Variants in UQCRC1 observed in about 807,000 individuals in gnomAD.
UQCRC1 encodes ubiquinol-cytochrome c reductase core protein 1.
A neutral mutation model predicts 58.0 loss-of-function variants in UQCRC1; 34 were observed. The ratio of observed to expected loss-of-function variants is 0.59; its 90% CI spans 0.45 to 0.78. The LOEUF (loss-of-function observed/expected upper bound fraction) is 0.78. Ranked by LOEUF, UQCRC1 falls within the 30% of genes least tolerant of loss-of-function variation. The pLI, the probability that UQCRC1 is intolerant of heterozygous loss-of-function variation, is 0.00. For missense variants in UQCRC1, 610 were observed against 646.0 expected (o/e 0.94, Z 0.60); for synonymous variants, 276 against 248.8 (o/e 1.11, Z -1.03).
intron 3 of UQCRC1, among the ~76,000 whole-genome samples, chr3:48,605,548 T>C (rs1178592372): frequency 1.3e-5 from 2 of 152,212 alleles, no homozygotes; most frequent in African/African-American, 4.8e-5. Flanking sequence ...GGGGCTCCTA[T>C]GGTTCCTTGG....
chr3:48,604,499 C>G, intron 4 of UQCRC1, 68 bp from the exon 5 acceptor site: 4 of 1,593,110 alleles, frequency 2.5e-6, no homozygotes, highest in Non-Finnish European at 3.4e-6. Context: ...CACAAAATCC[C>G]CAGGCCTGGC....
chr3:48,604,417 C>A lies in UQCRC1; in HGVS notation c.442G>T (p.Gly148Cys). 1 of 1,614,008 alleles carries A rather than the reference C, an allele frequency of 6.2e-7. No homozygotes were observed. Among genetic ancestry groups the A allele is most frequent in the Non-Finnish European group, 8.5e-7 (1 of 1,179,956 alleles). ...AGACTACAGTTCTGCACAATGTCAC[C>A]CAGGAGCTCCACAGCTAGATGCAAG... Reference protein sequence around the residue: ...KDLPKAVELLGDIVQNCSLED... With the variant: ...KDLPKAVELLCDIVQNCSLED... The change falls in exon 5 of 13, where the codon GGT (glycine) becomes TGT (cysteine). Residue 148 changes from glycine (G) to cysteine (C), a missense_variant. Physicochemically the swap from Gly to Cys is radical, Grantham distance 159 (BLOSUM62 -3). Coordinates refer to ENST00000203407, the MANE Select transcript of UQCRC1 (RefSeq NM_003365.3).
At position 48,604,216 on chromosome 3, in the gene UQCRC1, G is replaced by A; in HGVS notation, c.626+17C>T. On this transcript the variant is annotated intron_variant, in intron 5 of 12. Transcript: ENST00000203407. ...GAATGGAGCAAGCATCCCCCCACAA[G>A]GCCAGCCAACTCTCACCTGACATTC... 5 of 1,611,092 alleles carry A rather than the reference G, an allele frequency of 3.1e-6. No individual in the cohort carries two copies. Among genetic ancestry groups the A allele is most frequent in the Non-Finnish European group, 4.2e-6 (5 of 1,179,042 alleles).
At position 48,601,190 on chromosome 3, in the gene UQCRC1, T is replaced by C. The variant is rs960262767; in HGVS notation, c.823-72A>G. 1.9e-5 allele frequency: 29 copies of C among 1,555,496 alleles called. No homozygotes were observed. The African/African-American group carries it at 3.4e-4, about 18-fold the overall frequency. ...GAACAGAAAAGGTGGCAGGTGTGGG[T>C]AGAGGGTGTATGTGTGTGAACATGT... On this transcript the variant is annotated intron_variant, in intron 7 of 12. Transcript: ENST00000203407.
At chr3:48,600,241 G>A (rs1218220115) in intron 10 of UQCRC1, 90 bp from the exon 11 acceptor site, 1 of 1,365,694 alleles carries the variant, frequency 7.3e-7, no homozygotes, top group African/African-American at 1.4e-5. Flanking sequence ...GGTTGACAAG[G>A]ACCTCCCTGA....
At chr3:48,605,521 C>A (rs1053143917) in intron 3 of UQCRC1, among the ~76,000 whole-genome samples, 1 of 152,220 alleles carries the variant, frequency 6.6e-6, no homozygotes, top group Non-Finnish European at 1.5e-5. Flanking sequence ...ACAGGCCTGG[C>A]TTCTCTGGTG....
At chr3:48,607,675 T>C (rs1039466350) in intron 2 of UQCRC1, among the ~76,000 whole-genome samples, 7 of 151,952 alleles carry the variant, frequency 4.6e-5, no homozygotes. Context: ...CCTCCTGCTT[T>C]GGCCTCTCAA....
Position 48,607,098 on chromosome 3 carries a change from G to C in UQCRC1, c.211-1242C>G, listed in dbSNP as rs772247950. Among the ~76,000 whole-genome samples the C allele has an allele frequency of 4.6e-4, 70 of 151,060 alleles. 2 individuals are homozygous for C. The highest frequency in any genetic ancestry group is 7.4e-5 in the Non-Finnish European group (5 of 67,896). On this transcript the variant is annotated intron_variant, in intron 2 of 12. Coordinates refer to ENST00000203407, the MANE Select transcript of UQCRC1 (RefSeq NM_003365.3). Reference sequence around the variant, plus strand: ...GCTCTGTCACCCAGGCTGGAGTGCAGTGGTGCGATCTTGGCTCACTGCAAG... The same window carrying C: ...GCTCTGTCACCCAGGCTGGAGTGCACTGGTGCGATCTTGGCTCACTGCAAG...
chr3:48,599,839 G>T, intron 11 of UQCRC1, 129 bp from the exon 12 acceptor site: 1 of 1,116,534 alleles, frequency 9.0e-7, no homozygotes, highest in Non-Finnish European at 1.3e-6. Context: ...AAAGAGGAAA[G>T]GCAGAAGGGA....
At chr3:48,601,919 G>A (rs1032526108) in intron 6 of UQCRC1, among the ~76,000 whole-genome samples, 5 of 152,160 alleles carry the variant, frequency 3.3e-5, no homozygotes. Context: ...ACAGGGCTGT[G>A]ATTAGCTCTT....
Position 48,606,863 on chromosome 3 carries a change from G to A in UQCRC1, c.211-1007C>T, listed in dbSNP as rs571084798. On this transcript the variant is annotated intron_variant, in intron 2 of 12. Transcript: ENST00000203407. The stretch of plus-strand genomic sequence containing the variant: ...AAGTTTTTCACATCTACTTTCCTAA[G>A]TACTTTTTTTTTTTTTTGACATGGA... Among the ~76,000 whole-genome samples, 5 of 151,300 alleles carry A rather than the reference G, an allele frequency of 3.3e-5. No individual in the cohort carries two copies. The East Asian group carries it at 9.7e-4, about 29-fold the overall frequency.
At chr3:48,599,385 C>A (rs1485916733) in intron 12 of UQCRC1, 193 bp from the exon 13 acceptor site, 10 of 726,196 alleles carry the variant, frequency 1.4e-5, no homozygotes, top group Non-Finnish European at 2.2e-5. Context: ...AGCCCCACCC[C>A]ACATGGAGGT....
chr3:48,605,922 C>T (rs1429374716), intron 2 of UQCRC1, 66 bp from the exon 3 acceptor site: 11 of 1,496,872 alleles, frequency 7.3e-6, no homozygotes, highest in Non-Finnish European at 7.4e-6. Context: ...TCACACCCCA[C>T]CTGAGTGACT....
chr3:48,599,256 T>A, intron 12 of UQCRC1, 64 bp from the exon 13 acceptor site: 1 of 1,505,608 alleles, frequency 6.6e-7, no homozygotes, highest in Middle Eastern at 1.9e-4. Context: ...CCTGGCCCTG[T>A]GCCGCACCCA....
chr3:48,603,832 T>C (rs918733100), intron 5 of UQCRC1, among the ~76,000 whole-genome samples, 189 bp from the exon 6 acceptor site: 7 of 150,648 alleles, frequency 4.6e-5, no homozygotes, highest in African/African-American at 2.5e-5. Context: ...AGGGCAACCC[T>C]TGTCTGCCCT....
In UQCRC1 at chr3:48,609,193, G is replaced by A; in HGVS notation, c.179C>T (p.Ala60Val). 1.9e-6 allele frequency: 3 copies of A among 1,612,666 alleles called. No homozygotes were observed. Among genetic ancestry groups the A allele is most frequent in the Non-Finnish European group, 2.5e-6 (3 of 1,179,456 alleles). The change falls in exon 2 of 13, where the codon GCC becomes GTC. Residue 60 changes from alanine (A) to valine (V), a missense_variant. Physicochemically the swap from Ala to Val is moderately conservative, Grantham distance 64. Coordinates refer to ENST00000203407, the MANE Select transcript of UQCRC1 (RefSeq NM_003365.3). ...VSLLDNGLRV[A>V]SEQSSQPTCT... ...AGTGGGCTGAGAGGACTGCTCGGAG[G>A]CCACACGCAGGCCGTTGTCCAGCAG...
Position 48,609,413 on chromosome 3 carries a change from T to C in UQCRC1, c.70-111A>G, listed in dbSNP as rs967001273. ...GCCCCTAGGCAAGCGGCGAGATACC[T>C]TTCCCCGCCCTCCGCCGTGACCTTC... On this transcript the variant is annotated intron_variant, in intron 1 of 12. Transcript: ENST00000203407. The C allele has an allele frequency of 6.7e-5, 101 of 1,511,930 alleles. No homozygotes were observed. The African/African-American group carries it at 1.4e-3, about 21-fold the overall frequency. 93.7% of individuals were successfully genotyped at this position (1,511,930 alleles called of 1,614,324 possible).
intron 2 of UQCRC1, among the ~76,000 whole-genome samples, chr3:48,608,789 T>C (rs926863573): frequency 1.3e-5 from 2 of 152,230 alleles, no homozygotes; most frequent in African/African-American, 2.4e-5. Flanking sequence ...CTGGAGATTA[T>C]GACCTTGGGC....
Position 48,609,165 on chromosome 3 carries a change from G to C in UQCRC1, c.207C>G (p.Cys69Trp), listed in dbSNP as rs991619384. 6.2e-7 allele frequency: 1 copy of C among 1,606,520 alleles called. No homozygotes were observed. ...VASEQSSQPT[C>W]TVGVWIDVGS... Reference sequence around the variant, plus strand: ...CCCAAAAGCGTCCCCAACTCACCGTGCAAGTGGGCTGAGAGGACTGCTCGG... The same window carrying C: ...CCCAAAAGCGTCCCCAACTCACCGTCCAAGTGGGCTGAGAGGACTGCTCGG... The change falls in exon 2 of 13, where the codon TGC (cysteine) becomes TGG (tryptophan). Residue 69 changes from cysteine to tryptophan, a missense_variant. Coordinates refer to ENST00000203407, the MANE Select transcript of UQCRC1 (RefSeq NM_003365.3).
Sources: allele counts gnomAD v4.1 joint callset (sites outside exome capture counted in the v4.1 genomes callset), GRCh38; gene constraint gnomAD v4.1.1; transcripts MANE v1.5; gene names NCBI Gene and HGNC (gene_info 2026-07-23, HGNC 2026-07-21).